The following CNTN3 variants were observed in gnomAD, a reference collection of about 807,000 sequenced individuals.
CNTN3 encodes contactin-3.
CNTN3 carries 60 observed loss-of-function variants against 119.1 expected under a neutral mutation model. That is an observed-to-expected ratio of 0.50 (90% CI 0.41 to 0.62). The LOEUF is 0.62. Ranked by LOEUF, CNTN3 falls within the 20% of genes least tolerant of loss-of-function variation. CNTN3 has a pLI of 0.00. For synonymous variants in CNTN3, 450 were observed against 438.7 expected (o/e 1.03, Z -0.32); for missense variants, 1,101 against 1,242.4 (o/e 0.89, Z 1.71).
intron 11 of CNTN3, among the ~76,000 whole-genome samples, chr3:74,337,915 G>A (rs1703434904): frequency 6.6e-6 from 1 of 151,802 alleles, no homozygotes; most frequent in Admixed American, 6.6e-5. Flanking sequence ...TAGAAGTGGT[G>A]TCATTTGAAT....
At chr3:74,366,193 A>G (rs1330707005) in intron 8 of CNTN3, among the ~76,000 whole-genome samples, 1 of 152,138 alleles carries the variant, frequency 6.6e-6, no homozygotes, top group Non-Finnish European at 1.5e-5. Context: ...CAAGTTAGAA[A>G]TAACTTAATT....
At position 74,337,226 on chromosome 3, in the gene CNTN3, T is replaced by C. The variant is rs145866513; in HGVS notation, c.1365-568A>G. 1.3e-3 allele frequency among the ~76,000 whole-genome samples: 201 copies of C among 152,246 alleles called. 3 individuals carry two copies. Among genetic ancestry groups the C allele is most frequent in the African/African-American group, 4.4e-3 (183 of 41,542 alleles). ...TAGGCAAATCCAATAAACCTTACCT[T>C]AGAGTTTCTTAGTATACACTTAGAG... On this transcript the variant is annotated intron_variant, in intron 11 of 22. Transcript: ENST00000263665.
chr3:74,266,405 G>C (rs1052898946), intron 22 of CNTN3, 76 bp downstream of exon 22: 1 of 1,382,076 alleles, frequency 7.2e-7, no homozygotes, highest in Non-Finnish European at 1.0e-6. Flanking sequence ...AATGGACAGA[G>C]GGATACTGAT....
intron 13 of CNTN3, among the ~76,000 whole-genome samples, chr3:74,331,949 T>A (rs1384344771): frequency 6.6e-6 from 1 of 152,192 alleles, no homozygotes; most frequent in Admixed American, 6.5e-5. Flanking sequence ...AAGGCCTGTG[T>A]TTTTTAAAAC....
chr3:74,363,696 A>G (rs1225169957), intron 10 of CNTN3, among the ~76,000 whole-genome samples: 1 of 152,092 alleles, frequency 6.6e-6, no homozygotes, highest in Admixed American at 6.6e-5. Flanking sequence ...TAATACATTC[A>G]TTTTGTTGGG....
At chr3:74,536,495 G>A (rs1703767234) in intron 1 of CNTN3, among the ~76,000 whole-genome samples, 1 of 152,014 alleles carries the variant, frequency 6.6e-6, no homozygotes, top group Non-Finnish European at 1.5e-5. Context: ...GACAGATTTA[G>A]GAGACAAAAT....
intron 20 of CNTN3, among the ~76,000 whole-genome samples, chr3:74,275,385 A>G (rs957907215): frequency 6.6e-6 from 1 of 152,212 alleles, no homozygotes; most frequent in African/African-American, 2.4e-5. Context: ...AAGAATCTTA[A>G]GAGCTGTGAG....
intron 13 of CNTN3, among the ~76,000 whole-genome samples, chr3:74,311,426 C>G (rs554412991): frequency 6.6e-6 from 1 of 152,136 alleles, no homozygotes; most frequent in East Asian, 1.9e-4. Context: ...TTTATAAAAT[C>G]AGAATGTTTT....
At chr3:74,407,226 T>C (rs1369458829) in intron 5 of CNTN3, among the ~76,000 whole-genome samples, 1 of 151,248 alleles carries the variant, frequency 6.6e-6, no homozygotes, top group Non-Finnish European at 1.5e-5. Flanking sequence ...GGAGAGAATA[T>C]GAAGATGTGG....
intron 11 of CNTN3, among the ~76,000 whole-genome samples, chr3:74,346,501 C>T (rs542177173): frequency 6.6e-6 from 1 of 152,002 alleles, no homozygotes; most frequent in Non-Finnish European, 1.5e-5. Context: ...GTAAAATACA[C>T]AAATAAGATC....
chr3:74,463,000 T>A (rs968630250), intron 4 of CNTN3, among the ~76,000 whole-genome samples: 4 of 152,144 alleles, frequency 2.6e-5, no homozygotes, highest in African/African-American at 9.7e-5. Flanking sequence ...CGATAAACTA[T>A]GGGTCGATTA....
At chr3:74,602,235 G>C (rs1000725421) in intron 1 of CNTN3, among the ~76,000 whole-genome samples, 1 of 139,956 alleles carries the variant, frequency 7.1e-6, no homozygotes, top group Admixed American at 7.9e-5. Flanking sequence ...GTTCAAGCCT[G>C]CAGTAAGCCA....
At chr3:74,280,156 A>C (rs948150601) in intron 20 of CNTN3, among the ~76,000 whole-genome samples, 1 of 152,096 alleles carries the variant, frequency 6.6e-6, no homozygotes, top group East Asian at 1.9e-4. Flanking sequence ...GTACCCACAA[A>C]AATTAAAAAA....
chr3:74,594,829 G>A (rs1396682622), intron 1 of CNTN3, among the ~76,000 whole-genome samples: 1 of 151,752 alleles, frequency 6.6e-6, no homozygotes, highest in Non-Finnish European at 1.5e-5. Context: ...GGATGGCTGG[G>A]TCAAATGGTA....
At chr3:74,463,053 T>C (rs1254500361) in intron 4 of CNTN3, among the ~76,000 whole-genome samples, 3 of 152,120 alleles carry the variant, frequency 2.0e-5, no homozygotes, top group African/African-American at 7.2e-5. Context: ...TTTAGCATAG[T>C]TACTGGCACT....
chr3:74,544,990 A>G lies in CNTN3; in HGVS notation c.-80-23798T>C, dbSNP rs145884181. 1.2e-4 allele frequency among the ~76,000 whole-genome samples: 18 copies of G among 152,314 alleles called. No homozygotes were observed. The East Asian group carries it at 3.3e-3, about 28-fold the overall frequency. On this transcript the variant is annotated intron_variant, in intron 1 of 22. Transcript: ENST00000263665. Reference sequence around the variant, plus strand: ...AATAAGCCATCCCCCAAAACATTACATCATTCCAAAATACCATATGCAATA... The same window carrying G: ...AATAAGCCATCCCCCAAAACATTACGTCATTCCAAAATACCATATGCAATA...
intron 4 of CNTN3, among the ~76,000 whole-genome samples, chr3:74,484,016 A>G (rs1702807979): frequency 6.6e-6 from 1 of 152,138 alleles, no homozygotes; most frequent in Non-Finnish European, 1.5e-5. Context: ...AGTTTATTAT[A>G]TTTCTTCATA....
intron 1 of CNTN3, among the ~76,000 whole-genome samples, chr3:74,566,618 GTCTC>G (rs1704229677): frequency 1.3e-5 from 2 of 152,066 alleles, no homozygotes; most frequent in Admixed American, 6.6e-5. Flanking sequence ...GGCTTCACAT[GTCTC>G]TCTTTTTGTA....
chr3:74,495,919 G>C (rs1703054565), intron 3 of CNTN3, among the ~76,000 whole-genome samples: 2 of 152,018 alleles, frequency 1.3e-5, no homozygotes, highest in Admixed American at 1.3e-4. Flanking sequence ...CTTGTGAAGA[G>C]AGAAAAATGA....
Sources: gnomAD v4.1 joint callset for allele counts (sites outside exome capture counted in the v4.1 genomes callset) on GRCh38, gnomAD v4.1.1 for gene constraint, MANE v1.5 for transcripts, NCBI Gene and HGNC (gene_info 2026-07-23, HGNC 2026-07-21) for gene names.